The following CEP20 variants were observed in gnomAD, a reference collection of about 807,000 sequenced individuals.
CEP20 encodes the protein FGFR1OP N-terminal like.
A neutral mutation model predicts 20.0 loss-of-function variants in CEP20; 18 were observed. The ratio of observed to expected loss-of-function variants is 0.90; its 90% CI spans 0.62 to 1.34. The LOEUF is 1.34. Ranked by LOEUF, CEP20 falls within the 40% of genes most tolerant of loss-of-function variation. The pLI, the probability that CEP20 is intolerant of heterozygous loss-of-function variation, is 0.00. For synonymous variants in CEP20, 77 were observed against 73.7 expected, an observed-to-expected ratio of 1.04 and a Z score of -0.23; for missense variants, 215 against 201.6, an observed-to-expected ratio of 1.07 and a Z score of -0.40.
At chr16:15,879,555 A>G (rs920259646) in intron 3 of CEP20, among the ~76,000 whole-genome samples, 2 of 152,186 alleles carry the variant, frequency 1.3e-5, no homozygotes, top group African/African-American at 4.8e-5. Flanking sequence ...TTAGAAGGAC[A>G]AAGGATCAAG....
chr16:15,888,535 G>T (rs1009673624), intron 1 of CEP20, 23 bp downstream of exon 1: 1 of 1,614,004 alleles, frequency 6.2e-7, no homozygotes, highest in African/African-American at 1.3e-5. Context: ...TTCCCATGTG[G>T]AGGCCTCCCT....
At chr16:15,879,136 G>A (rs2045037029) in intron 3 of CEP20, among the ~76,000 whole-genome samples, 1 of 152,118 alleles carries the variant, frequency 6.6e-6, no homozygotes, top group Non-Finnish European at 1.5e-5. Flanking sequence ...GTTGGTGAGA[G>A]GAGGTACACA....
intron 3 of CEP20, among the ~76,000 whole-genome samples, chr16:15,876,066 CAA>C (rs199971058): frequency 1.0e-3 from 99 of 96,648 alleles, no homozygotes; most frequent in East Asian, 7.2e-3. Context: ...TCATTGCACT[CAA>C]AAAAAAAAAA....
At chr16:15,873,228 C>T (rs959789017) in intron 4 of CEP20, among the ~76,000 whole-genome samples, 122 of 152,202 alleles carry the variant, frequency 8.0e-4, no homozygotes, top group African/African-American at 2.9e-3. Flanking sequence ...CAGGCATGAG[C>T]CATTGTGCCT....
chr16:15,874,932 C>T (rs966695739), intron 3 of CEP20, among the ~76,000 whole-genome samples: 14 of 152,112 alleles, frequency 9.2e-5, no homozygotes, highest in African/African-American at 3.4e-4. Context: ...AAGTTACATG[C>T]AGTAAGGAAT....
At chr16:15,878,820 T>C (rs989131901) in intron 3 of CEP20, among the ~76,000 whole-genome samples, 4 of 152,162 alleles carry the variant, frequency 2.6e-5, no homozygotes, top group African/African-American at 7.2e-5. Context: ...TTCCCCATGT[T>C]GTCCAGGCTA....
At chr16:15,868,406 G>A (rs2044737793) in intron 4 of CEP20, among the ~76,000 whole-genome samples, 4 of 152,132 alleles carry the variant, frequency 2.6e-5, no homozygotes, top group Non-Finnish European at 5.9e-5. Context: ...CTGGGCGACA[G>A]AGCAAGACTC....
At chr16:15,867,855 C>T (rs551420150) in intron 4 of CEP20, among the ~76,000 whole-genome samples, 1 of 151,916 alleles carries the variant, frequency 6.6e-6, no homozygotes, top group East Asian at 1.9e-4. Context: ...CGCCTGTAAT[C>T]CCAGCTACTC....
At chr16:15,880,127 T>C (rs898517978) in intron 2 of CEP20, among the ~76,000 whole-genome samples, 9 of 152,198 alleles carry the variant, frequency 5.9e-5, no homozygotes, top group African/African-American at 2.2e-4. Context: ...CAGTGTTTGG[T>C]TGGAAAAATA....
At chr16:15,882,742 T>TCTATCTAC (rs1555465389) in intron 2 of CEP20, among the ~76,000 whole-genome samples, 373 of 115,732 alleles carry the variant, frequency 3.2e-3, no homozygotes, top group Middle Eastern at 0.015. Context: ...TATCTATCTA[T>TCTATCTAC]CTATCTATCT....
At position 15,888,088 on chromosome 16, in the gene CEP20, A is replaced by AG. The variant is rs1385921821; in HGVS notation, c.28+469_28+470insC. On this transcript the variant is annotated intron_variant, in intron 1 of 4. Transcript: ENST00000255759. ...GAGACCCTCTCTTTAAAAAAAAAAA[A>AG]AAAAAGCAAGGAGGGGAGGGCTACT... 6.6e-5 allele frequency among the ~76,000 whole-genome samples: 10 copies of AG among 151,622 alleles called. No homozygotes were observed. The East Asian group carries it at 1.4e-3, about 21-fold the overall frequency.
intron 2 of CEP20, among the ~76,000 whole-genome samples, chr16:15,882,467 T>G (rs1423672897): frequency 6.6e-6 from 1 of 151,538 alleles, no homozygotes; most frequent in African/African-American, 2.4e-5. Context: ...GAGGTAGACG[T>G]TGCAGTGAGC....
chr16:15,879,892 G>A lies in CEP20; in HGVS notation c.227-4C>T. Reference sequence around the variant, plus strand: ...GGAACTACAGGTTGACCAGATTCTGGGAGAAATAAATTCATGAGAACACTC... The same window carrying A: ...GGAACTACAGGTTGACCAGATTCTGAGAGAAATAAATTCATGAGAACACTC... On this transcript the variant is annotated splice_region_variant and splice_polypyrimidine_tract_variant and intron_variant, in intron 2 of 4. Coordinates refer to ENST00000255759, the MANE Select transcript of CEP20 (RefSeq NM_144600.4). 2 of 1,571,446 alleles carry A rather than the reference G, an allele frequency of 1.3e-6. No homozygotes were observed. The highest frequency in any genetic ancestry group is 1.2e-5 in the South Asian group (1 of 85,008).
chr16:15,884,319 C>T, intron 1 of CEP20, 114 bp from the exon 2 acceptor site: 1 of 863,084 alleles, frequency 1.2e-6, no homozygotes, highest in Non-Finnish European at 1.7e-6. Flanking sequence ...TCTCAAGCAG[C>T]TCTTAATCTA....
intron 3 of CEP20, chr16:15,877,385 G>A (rs935264469): frequency 1.3e-5 from 2 of 152,188 alleles, no homozygotes; most frequent in African/African-American, 2.4e-5. Flanking sequence ...ATTAAATGAT[G>A]TAATAACTCA....
intron 4 of CEP20, among the ~76,000 whole-genome samples, chr16:15,870,336 A>G (rs2044783960): frequency 6.6e-6 from 1 of 152,176 alleles, no homozygotes; most frequent in East Asian, 1.9e-4. Flanking sequence ...TCCACTGGTG[A>G]CAACTGAACT....
intron 4 of CEP20, among the ~76,000 whole-genome samples, chr16:15,871,480 T>C (rs2044819174): frequency 1.3e-5 from 2 of 152,098 alleles, no homozygotes. Context: ...TAATGTTTTA[T>C]TTTGCTCGTT....
intron 4 of CEP20, among the ~76,000 whole-genome samples, chr16:15,872,668 C>A (rs1382223427): frequency 6.6e-6 from 1 of 151,830 alleles, no homozygotes; most frequent in Non-Finnish European, 1.5e-5. Context: ...ATAATAGCAC[C>A]ACTGCACTCT....
intron 1 of CEP20, among the ~76,000 whole-genome samples, chr16:15,885,417 C>T (rs1205281139): frequency 6.6e-6 from 1 of 151,890 alleles, no homozygotes; most frequent in Non-Finnish European, 1.5e-5. Context: ...TATTTTGAAA[C>T]AATCTCGCTC....
Sources: gnomAD v4.1 joint callset for allele counts (sites outside exome capture counted in the v4.1 genomes callset) on GRCh38, gnomAD v4.1.1 for gene constraint, MANE v1.5 for transcripts, NCBI Gene and HGNC (gene_info 2026-07-23, HGNC 2026-07-21) for gene names.